The following FBXO36 variants were observed in gnomAD, a reference collection of about 807,000 sequenced individuals.
The protein encoded by FBXO36 is F-box protein 36.
Under a neutral mutation model 17.0 loss-of-function variants are expected in FBXO36, and 18 were observed. The ratio of observed to expected loss-of-function variants is 1.06; its 90% confidence interval spans 0.73 to 1.57. FBXO36 has a LOEUF of 1.57. Ranked by LOEUF, FBXO36 falls within the 40% of genes most tolerant of loss-of-function variation. The pLI is 0.00. For synonymous variants in FBXO36, 83 were observed against 85.3 expected, an observed-to-expected ratio of 0.97 and a Z score of 0.15; for missense variants, 229 against 221.9, an observed-to-expected ratio of 1.03 and a Z score of -0.20.
intron 1 of FBXO36, among the ~76,000 whole-genome samples, chr2:229,940,201 A>T (rs1453573463): frequency 6.6e-6 from 1 of 152,238 alleles, no homozygotes; most frequent in Admixed American, 6.5e-5. Context: ...AGCTGTGACT[A>T]AAGGATGTTT....
chr2:230,010,088 C>G (rs1017498847), intron 3 of FBXO36, among the ~76,000 whole-genome samples: 1 of 151,986 alleles, frequency 6.6e-6, no homozygotes, highest in Non-Finnish European at 1.5e-5. Context: ...ATGGAGAAAC[C>G]CTGTCTCTAC....
intron 1 of FBXO36, among the ~76,000 whole-genome samples, chr2:229,955,100 C>T (rs1165773884): frequency 6.6e-6 from 1 of 152,200 alleles, no homozygotes; most frequent in Non-Finnish European, 1.5e-5. Context: ...GATCTGCCTT[C>T]CTTGGCCTCC....
At chr2:229,988,849 T>TTG (rs1560451760) in intron 2 of FBXO36, among the ~76,000 whole-genome samples, 14 of 150,256 alleles carry the variant, frequency 9.3e-5, no homozygotes, top group East Asian at 1.9e-4. Context: ...TTTTTGTTTT[T>TTG]TTTTTTTTAC....
At chr2:229,945,456 G>A (rs1406007713) in intron 1 of FBXO36, among the ~76,000 whole-genome samples, 3 of 151,860 alleles carry the variant, frequency 2.0e-5, no homozygotes, top group East Asian at 1.9e-4. Context: ...ACAGGTGCCC[G>A]CCACCACGCC....
In FBXO36 at chr2:229,996,760, C is replaced by T. The variant is rs1391771236; in HGVS notation, c.215C>T (p.Ala72Val). Residue 72 changes from alanine (A) to valine (V), a missense_variant, in exon 3 of 4, where the codon GCC becomes GTC. Ala to Val is a moderately conservative substitution (Grantham distance 64, BLOSUM62 0). Transcript: ENST00000283946. Reference sequence around the variant, plus strand: ...CTTCTTTGAATTACAGGTCAAACTGCCTTAATATTTGGTGCAAGAATATTA... The same window carrying T: ...CTTCTTTGAATTACAGGTCAAACTGTCTTAATATTTGGTGCAAGAATATTA... ...LENSHLQGQTALIFGARILDY... is the reference protein window; with the variant it reads ...LENSHLQGQTVLIFGARILDY... 1.2e-6 allele frequency: 2 copies of T among 1,608,952 alleles called. No individual in the cohort carries two copies. The highest frequency in any genetic ancestry group is 1.7e-6 in the Non-Finnish European group (2 of 1,178,774).
chr2:229,981,701 C>CA (rs11326626), intron 2 of FBXO36, among the ~76,000 whole-genome samples: 12 of 103,182 alleles, frequency 1.2e-4, no homozygotes, highest in East Asian at 1.1e-3. Flanking sequence ...GACCCTGTCT[C>CA]AAAAAAAAAA....
intron 1 of FBXO36, among the ~76,000 whole-genome samples, chr2:229,945,761 G>T: frequency 6.6e-6 from 1 of 152,028 alleles, no homozygotes; most frequent in Middle Eastern, 3.4e-3. Flanking sequence ...GGTGGCTCAT[G>T]CCTGTAATCC....
At chr2:229,997,351 G>A (rs1205210904) in intron 3 of FBXO36, among the ~76,000 whole-genome samples, 4 of 151,668 alleles carry the variant, frequency 2.6e-5, no homozygotes, top group Non-Finnish European at 2.9e-5. Context: ...GCCGAGGTGG[G>A]TGGATCACCT....
chr2:229,984,426 T>G (rs1237266599), intron 2 of FBXO36, among the ~76,000 whole-genome samples: 4 of 144,094 alleles, frequency 2.8e-5, no homozygotes, highest in African/African-American at 7.7e-5. Context: ...AGTCTCGCTC[T>G]GTCGCCCGGG....
At chr2:229,980,800 T>C (rs1211847044) in intron 2 of FBXO36, among the ~76,000 whole-genome samples, 1 of 152,108 alleles carries the variant, frequency 6.6e-6, no homozygotes, top group Non-Finnish European at 1.5e-5. Flanking sequence ...CCAAGGCATG[T>C]ACTAACCAGG....
At chr2:229,969,544 C>T (rs1418366252) in intron 1 of FBXO36, among the ~76,000 whole-genome samples, 4 of 152,148 alleles carry the variant, frequency 2.6e-5, no homozygotes, top group African/African-American at 4.8e-5. Flanking sequence ...AAAAATTAGC[C>T]GGGCGTGGTG....
intron 3 of FBXO36, 121 bp downstream of exon 3, chr2:229,997,044 A>G: frequency 1.2e-6 from 1 of 849,226 alleles, no homozygotes; most frequent in Non-Finnish European, 1.9e-6. Flanking sequence ...TAGGTGCACA[A>G]GCAGCAGAGA....
intron 1 of FBXO36, among the ~76,000 whole-genome samples, chr2:229,936,137 C>A (rs974935097): frequency 2.0e-5 from 3 of 152,014 alleles, no homozygotes; most frequent in Admixed American, 1.3e-4. Context: ...GAACCGAGGT[C>A]ACGCACCATT....
At chr2:229,978,711 A>G (rs1262320250) in intron 2 of FBXO36, among the ~76,000 whole-genome samples, 1 of 152,210 alleles carries the variant, frequency 6.6e-6, no homozygotes, top group Non-Finnish European at 1.5e-5. Flanking sequence ...TTATTGTTAT[A>G]ACATCCTTGT....
chr2:229,928,110 G>A (rs748735824), intron 1 of FBXO36, among the ~76,000 whole-genome samples: 3 of 152,192 alleles, frequency 2.0e-5, no homozygotes, highest in African/African-American at 4.8e-5. Context: ...GGATATGTGA[G>A]CAAGATTATT....
chr2:230,010,040 T>A (rs1321464566), intron 3 of FBXO36, among the ~76,000 whole-genome samples: 2 of 152,136 alleles, frequency 1.3e-5, no homozygotes, highest in Non-Finnish European at 2.9e-5. Context: ...GGTGGGCAGA[T>A]CACCTGAGGT....
chr2:229,948,308 G>A (rs1356606137), intron 1 of FBXO36, among the ~76,000 whole-genome samples: 2 of 152,110 alleles, frequency 1.3e-5, no homozygotes, highest in South Asian at 2.1e-4. Context: ...ATTTTTCATT[G>A]TAAGTAACGA....
intron 2 of FBXO36, among the ~76,000 whole-genome samples, chr2:229,986,749 G>A (rs2077270552): frequency 6.6e-6 from 1 of 151,080 alleles, no homozygotes; most frequent in Non-Finnish European, 1.5e-5. Context: ...TGGCCAGGCT[G>A]GTCTGGATCT....
rs1294052123 is a variant in FBXO36 at position 229,995,596 on chromosome 2, C to CT, written c.206-1141dup. 9.1e-4 allele frequency among the ~76,000 whole-genome samples: 120 copies of CT among 132,088 alleles called. 1 individual carries two copies. Among genetic ancestry groups the CT allele is most frequent in the South Asian group, 9.0e-4 (4 of 4,424 alleles). The allele number at this position is 132,088 out of a possible 152,430, so 86.7% of individuals were successfully genotyped here. A position where few individuals can be genotyped will look rare whatever the true frequency, so the allele number is the denominator to read the frequency against. ...TTTCTTTCTTTCTCTTTCTTTCTTTCTTTTTTTTTTTTTTGGACAGAATTT... is the reference window on the plus strand; with the variant it reads ...TTTCTTTCTTTCTCTTTCTTTCTTTCTTTTTTTTTTTTTTTGGACAGAATTT... On this transcript the variant is annotated intron_variant, in intron 2 of 3. Coordinates refer to ENST00000283946, the MANE Select transcript of FBXO36 (RefSeq NM_174899.5).
Sources: gnomAD v4.1 joint callset for allele counts (sites outside exome capture counted in the v4.1 genomes callset) on GRCh38, gnomAD v4.1.1 for gene constraint, MANE v1.5 for transcripts, NCBI Gene and HGNC (gene_info 2026-07-23, HGNC 2026-07-21) for gene names.